AKR1C1: variants seen among roughly 807,000 people sequenced by gnomAD.
AKR1C1 encodes the protein 20 alpha-hydroxysteroid dehydrogenase.
Under a neutral mutation model 40.6 loss-of-function variants are expected in AKR1C1, and 32 were observed. That is an observed-to-expected ratio of 0.79 (90% confidence interval 0.60 to 1.06). AKR1C1 has a LOEUF of 1.06. Among genes scored for constraint, AKR1C1 ranks in the 50% least tolerant of loss-of-function variants. The pLI is 0.00. For missense variants in AKR1C1, 320 were observed against 363.5 expected, an observed-to-expected ratio of 0.88 and a Z score of 0.97; for synonymous variants, 105 against 134.2, an observed-to-expected ratio of 0.78 and a Z score of 1.50.
chr10:4,968,138 C>G, intron 3 of AKR1C1, 171 bp from the exon 4 acceptor site: 2 of 1,104,760 alleles, frequency 1.8e-6, no homozygotes, highest in East Asian at 2.6e-5. Flanking sequence ...AGCCTGTCAC[C>G]TGAAGACATT....
chr10:4,974,813 C>T (rs1554770288), intron 7 of AKR1C1, among the ~76,000 whole-genome samples: 2 of 152,042 alleles, frequency 1.3e-5, no homozygotes, highest in African/African-American at 4.8e-5. Context: ...GTAAGTTTCA[C>T]TTCCAGTATG....
In AKR1C1 at chr10:4,977,689, T is replaced by C. The variant is rs782688291; in HGVS notation, c.930-11T>C. 3 of 1,612,254 alleles carry C rather than the reference T, an allele frequency of 1.9e-6. No homozygotes were observed. The highest frequency in any genetic ancestry group is 4.5e-5 in the East Asian group (2 of 44,842). ...GCCATTCAGAGTGTGCATTTTTTTT[T>C]CTCTTTCCAGTTTTGCTGGCCCCCC... On this transcript the variant is annotated splice_polypyrimidine_tract_variant and intron_variant, in intron 8 of 8. Coordinates refer to ENST00000380872, the MANE Select transcript of AKR1C1 (RefSeq NM_001353.6).
chr10:4,977,517 T>C (rs1554770601), intron 8 of AKR1C1, among the ~76,000 whole-genome samples, 183 bp from the exon 9 acceptor site: 1 of 152,232 alleles, frequency 6.6e-6, no homozygotes, highest in Non-Finnish European at 1.5e-5. Context: ...AATTATTCTT[T>C]ATTTTGAAAA....
At chr10:4,977,563 A>G in intron 8 of AKR1C1, 137 bp from the exon 9 acceptor site, 1 of 871,524 alleles carries the variant, frequency 1.1e-6, no homozygotes, top group Non-Finnish European at 1.7e-6. Context: ...TTAAACAAAG[A>G]AACACAGATT....
intron 7 of AKR1C1, among the ~76,000 whole-genome samples, chr10:4,973,453 A>T (rs1836471502): frequency 6.6e-6 from 1 of 152,200 alleles, no homozygotes; most frequent in South Asian, 2.1e-4. Context: ...TCTCCCATGC[A>T]GTTCTTTATC....
At chr10:4,970,977 G>C (rs1393131529) in intron 5 of AKR1C1, among the ~76,000 whole-genome samples, 1 of 151,540 alleles carries the variant, frequency 6.6e-6, no homozygotes, top group East Asian at 1.9e-4. Flanking sequence ...AAAAAAACTT[G>C]GTTAAGCTAA....
rs1239030403 is a variant in AKR1C1 at position 4,982,332 on chromosome 10, G to C, written c.*4590G>C. On this transcript the variant is annotated 3_prime_UTR_variant, in exon 9 of 9. Coordinates refer to ENST00000380872, the MANE Select transcript of AKR1C1 (RefSeq NM_001353.6). ...ATAAGTACTTGGCGGAGGGATGCTG[G>C]GGGGACCTTCTTAGAAGAGCTGCGC... 6.6e-6 allele frequency: 1 copy of C among 152,266 alleles called. No homozygotes were observed. The highest frequency in any genetic ancestry group is 1.5e-5 in the Non-Finnish European group (1 of 68,204). 9.4% of individuals were successfully genotyped at this position (152,266 alleles called of 1,614,324 possible). A position where few individuals can be genotyped will look rare whatever the true frequency, so the allele number is the denominator to read the frequency against.
At chr10:4,969,794 A>C in intron 5 of AKR1C1, 1 of 1,547,496 alleles carries the variant, frequency 6.5e-7, no homozygotes, top group Non-Finnish European at 8.8e-7. Context: ...CACTTTTCCC[A>C]GTAAATTACA....
Position 4,967,418 on chromosome 10 carries a change from A to G in AKR1C1, c.369+375A>G, listed in dbSNP as rs1836350154. On this transcript the variant is annotated intron_variant, in intron 3 of 8. Transcript: ENST00000380872. ...AAACCTGCTGCACATAGGGTGCACA[A>G]TGAGTTTCCATCTTCTTGCCTCTTT... 9.9e-6 allele frequency: 10 copies of G among 1,013,306 alleles called. No homozygotes were observed. In the South Asian group the frequency reaches 2.0e-4, roughly 21 times the overall value. 62.8% of individuals were successfully genotyped at this position (1,013,306 alleles called of 1,614,324 possible). A position where few individuals can be genotyped will look rare whatever the true frequency, so the allele number is the denominator to read the frequency against.
rs1300002060 is a variant in AKR1C1 at position 4,972,578 on chromosome 10, T to A, written c.681-6T>A. Reference sequence around the variant, plus strand: ...AGGGCCTCAGCCTTTCTGCCTTTCCTTCCAGGGTGGACCCGAACTCCCCGG... The same window carrying A: ...AGGGCCTCAGCCTTTCTGCCTTTCCATCCAGGGTGGACCCGAACTCCCCGG... On this transcript the variant is annotated splice_region_variant and splice_polypyrimidine_tract_variant and intron_variant, in intron 6 of 8. Transcript: ENST00000380872. 1.9e-6 allele frequency: 3 copies of A among 1,613,578 alleles called. No individual in the cohort carries two copies. Among genetic ancestry groups the A allele is most frequent in the African/African-American group, 1.3e-5 (1 of 74,878 alleles).
At chr10:4,974,467 G>A (rs549545798) in intron 7 of AKR1C1, among the ~76,000 whole-genome samples, 4 of 151,772 alleles carry the variant, frequency 2.6e-5, no homozygotes, top group Non-Finnish European at 5.9e-5. Context: ...CCTCTTTCTT[G>A]TGGTTGGTGA....
At chr10:4,971,330 A>T (rs1394923866) in intron 5 of AKR1C1, among the ~76,000 whole-genome samples, 5 of 151,990 alleles carry the variant, frequency 3.3e-5, no homozygotes, top group African/African-American at 1.2e-4. Context: ...TCTTCCTTCA[A>T]TTAGCAATGT....
intron 4 of AKR1C1, 74 bp from the exon 5 acceptor site, chr10:4,968,748 A>G (rs912860769): frequency 6.2e-7 from 1 of 1,608,656 alleles, no homozygotes; most frequent in African/African-American, 1.3e-5. Flanking sequence ...TGTCATATCT[A>G]GACAGTTGTT....
At chr10:4,974,178 A>G (rs1836487413) in intron 7 of AKR1C1, among the ~76,000 whole-genome samples, 2 of 151,792 alleles carry the variant, frequency 1.3e-5, no homozygotes, top group South Asian at 2.1e-4. Context: ...AGGAAATATT[A>G]TGAAATAACT....
intron 5 of AKR1C1, 128 bp from the exon 6 acceptor site, chr10:4,972,073 A>G (rs1836438106): frequency 1.8e-6 from 2 of 1,140,578 alleles, no homozygotes; most frequent in African/African-American, 2.5e-5. Context: ...GAAAAAGATC[A>G]TTTTTGACAA....
In AKR1C1 at chr10:4,978,941, A is replaced by T. The variant is rs1836571011; in HGVS notation, c.*1199A>T. On this transcript the variant is annotated 3_prime_UTR_variant, in exon 9 of 9. Transcript: ENST00000380872. The stretch of plus-strand genomic sequence containing the variant: ...CATGAAGACATGATTTTCATTTTAG[A>T]AAACACTTTTGAAAACTTGGGATAA... 1 of 152,236 alleles carries T rather than the reference A, an allele frequency of 6.6e-6. No homozygotes were observed. The highest frequency in any genetic ancestry group is 2.4e-5 in the African/African-American group (1 of 41,462). 9.4% of individuals were successfully genotyped at this position (152,236 alleles called of 1,614,324 possible). A position where few individuals can be genotyped will look rare whatever the true frequency, so the allele number is the denominator to read the frequency against.
chr10:4,973,437 C>T (rs1554770123), intron 7 of AKR1C1, among the ~76,000 whole-genome samples: 1 of 152,166 alleles, frequency 6.6e-6, no homozygotes, highest in Non-Finnish European at 1.5e-5. Flanking sequence ...TGTGTGAGCG[C>T]CCCCCTCTCC....
In AKR1C1 at chr10:4,977,686, T is replaced by A. The variant is rs782415900; in HGVS notation, c.930-14T>A. On this transcript the variant is annotated splice_polypyrimidine_tract_variant and intron_variant, in intron 8 of 8. Transcript: ENST00000380872. ...ATTGCCATTCAGAGTGTGCATTTTT[T>A]TTTCTCTTTCCAGTTTTGCTGGCCC... 6.2e-7 allele frequency: 1 copy of A among 1,612,234 alleles called. No homozygotes were observed. The highest frequency in any genetic ancestry group is 1.3e-5 in the African/African-American group (1 of 74,662).
chr10:4,967,434 T>C (rs1260561329), intron 3 of AKR1C1: 2 of 1,002,320 alleles, frequency 2.0e-6, no homozygotes, highest in Middle Eastern at 5.1e-4. Flanking sequence ...TTCCATCTTC[T>C]TGCCTCTTTT....
Sources: allele counts gnomAD v4.1 joint callset (sites outside exome capture counted in the v4.1 genomes callset), GRCh38; gene constraint gnomAD v4.1.1; transcripts MANE v1.5; gene names NCBI Gene and HGNC (gene_info 2026-07-23, HGNC 2026-07-21).